The following ARID4B variants were observed in gnomAD, a reference collection of about 807,000 sequenced individuals.
The protein encoded by ARID4B is AT-rich interaction domain 4B.
Under a neutral mutation model 147.5 loss-of-function variants are expected in ARID4B, and 26 were observed. The ratio of observed to expected loss-of-function variants is 0.18; its 90% CI spans 0.13 to 0.24. The LOEUF is 0.24. Ranked by LOEUF, ARID4B falls within the 10% of genes least tolerant of loss-of-function variation. The pLI is 1.00. For synonymous variants in ARID4B, 512 were observed against 507.9 expected (o/e 1.01, Z -0.11); for missense variants, 1,179 against 1,511.5 (o/e 0.78, Z 3.65).
intron 16 of ARID4B, among the ~76,000 whole-genome samples, chr1:235,217,849 C>G (rs1418644522): frequency 6.6e-6 from 1 of 152,076 alleles, no homozygotes; most frequent in African/African-American, 2.4e-5. Context: ...ACAGTAAGCC[C>G]CTCTTATCTG....
At chr1:235,179,547 A>AAC (rs1664140776) in intron 20 of ARID4B, among the ~76,000 whole-genome samples, 1 of 149,870 alleles carries the variant, frequency 6.7e-6, no homozygotes, top group Non-Finnish European at 1.5e-5. Flanking sequence ...AAAAAAAAAA[A>AAC]AAAAAACCCA....
chr1:235,297,551 G>A (rs1237186249), intron 2 of ARID4B, among the ~76,000 whole-genome samples: 3 of 152,164 alleles, frequency 2.0e-5, no homozygotes, highest in Non-Finnish European at 4.4e-5. Context: ...ATCCTCAGAT[G>A]CTGCGAAAAC....
At chr1:235,257,963 C>G (rs939261802) in intron 3 of ARID4B, among the ~76,000 whole-genome samples, 29 of 152,152 alleles carry the variant, frequency 1.9e-4, no homozygotes, top group Admixed American at 1.3e-4. Context: ...GAGCATCAGT[C>G]TCTAGTACCA....
At chr1:235,243,534 T>C (rs12741262) in intron 7 of ARID4B, among the ~76,000 whole-genome samples, 72,625 of 151,890 alleles carry the variant, frequency 0.48, 17,707 homozygotes, top group South Asian at 0.6. Context: ...GCTAATTACA[T>C]GGAAATTTTT....
Position 235,181,859 on chromosome 1 carries a change from T to C in ARID4B, c.3060A>G (p.Leu1020=), listed in dbSNP as rs767914538. The C allele has an allele frequency of 3.8e-5, 62 of 1,614,090 alleles. 1 individual carries two copies. The East Asian group carries it at 1.3e-3, about 34-fold the overall frequency. The change falls in exon 20 of 24, where the codon CTA becomes CTG. Residue 1020 remains leucine, a synonymous_variant. Coordinates refer to ENST00000264183, the MANE Select transcript of ARID4B (RefSeq NM_016374.6). Reference sequence around the variant, plus strand: ...ATTCAGGTGTAGTAGGAGGGGTATTTAGCACTGAATTACTGCCACTACTTG... The same window carrying C: ...ATTCAGGTGTAGTAGGAGGGGTATTCAGCACTGAATTACTGCCACTACTTG... ...EFPSSGSNSV[L]NTPPTTPESP...
chr1:235,299,746 T>C (rs1431067164), intron 2 of ARID4B, among the ~76,000 whole-genome samples: 1 of 152,102 alleles, frequency 6.6e-6, no homozygotes. Flanking sequence ...AGTTAGGGGG[T>C]TGGTCTATGC....
intron 17 of ARID4B, among the ~76,000 whole-genome samples, chr1:235,204,090 A>G (rs1049517283): frequency 2.6e-5 from 4 of 152,162 alleles, no homozygotes; most frequent in African/African-American, 9.6e-5. Context: ...TTGGGAGGCC[A>G]AGGCAGGCGG....
At chr1:235,270,660 C>A (rs1472229952) in intron 2 of ARID4B, among the ~76,000 whole-genome samples, 1 of 152,210 alleles carries the variant, frequency 6.6e-6, no homozygotes, top group African/African-American at 2.4e-5. Flanking sequence ...TTATTAAAAG[C>A]CAACTATACT....
At chr1:235,220,886 T>C (rs1316017803) in intron 14 of ARID4B, among the ~76,000 whole-genome samples, 2 of 105,138 alleles carry the variant, frequency 1.9e-5, no homozygotes, top group African/African-American at 7.4e-5. Context: ...AGCATCCTTT[T>C]TTTGTTTTTT....
intron 2 of ARID4B, among the ~76,000 whole-genome samples, chr1:235,312,318 T>C (rs1474312207): frequency 6.6e-6 from 1 of 151,716 alleles, no homozygotes; most frequent in Non-Finnish European, 1.5e-5. Flanking sequence ...TTACGAACAA[T>C]ATGCATAGCA....
At chr1:235,235,915 G>A (rs552955835) in intron 8 of ARID4B, among the ~76,000 whole-genome samples, 4 of 151,662 alleles carry the variant, frequency 2.6e-5, no homozygotes, top group African/African-American at 9.7e-5. Flanking sequence ...ATAGTTCCTG[G>A]GACTATGTAG....
chr1:235,203,454 GTA>G (rs1666087421), intron 17 of ARID4B, among the ~76,000 whole-genome samples: 1 of 151,908 alleles, frequency 6.6e-6, no homozygotes, highest in Non-Finnish European at 1.5e-5. Context: ...CAGAATAAAG[GTA>G]TTTTAAAAAT....
chr1:235,239,518 G>A (rs1668843912), intron 8 of ARID4B, among the ~76,000 whole-genome samples: 1 of 152,154 alleles, frequency 6.6e-6, no homozygotes, highest in African/African-American at 2.4e-5. Context: ...GTCCGTGAAA[G>A]ATATTAGTAT....
At chr1:235,221,805 A>T (rs1265711633) in intron 13 of ARID4B, 143 bp from the exon 14 acceptor site, 6 of 396,748 alleles carry the variant, frequency 1.5e-5, no homozygotes, top group Non-Finnish European at 2.6e-5. Flanking sequence ...ATAAATTCTA[A>T]ATTTGGTTTA....
intron 6 of ARID4B, among the ~76,000 whole-genome samples, chr1:235,248,058 A>C (rs1363377473): frequency 6.6e-6 from 1 of 152,054 alleles, no homozygotes; most frequent in Non-Finnish European, 1.5e-5. Context: ...AACAGAAACT[A>C]TTTTTATTGA....
Position 235,231,139 on chromosome 1 carries a change from G to A in ARID4B, c.716C>T (p.Pro239Leu), listed in dbSNP as rs540278511. 1 of 1,591,664 alleles carries A rather than the reference G, an allele frequency of 6.3e-7. No individual in the cohort carries two copies. The highest frequency in any genetic ancestry group is 1.4e-5 in the African/African-American group (1 of 73,908). The change falls in exon 10 of 24, where the codon CCA becomes CTA. Residue 239 changes from proline (P) to leucine (L), a missense_variant. This residue lies in a region of ARID4B where 159 missense variants were observed against 190.5 expected (regional missense o/e 0.83). Coordinates refer to ENST00000264183, the MANE Select transcript of ARID4B (RefSeq NM_016374.6). ...TTGCTTTAAAACAGCATCAGGCTTT[G>A]GTGCAGTGTCACTAGTAATTTCATG... is the stretch of plus-strand genomic sequence containing the variant. ...DVHEITSDTA[P>L]KPDAVLKQAF...
intron 2 of ARID4B, among the ~76,000 whole-genome samples, chr1:235,308,296 G>C (rs1273170183): frequency 6.6e-6 from 1 of 151,882 alleles, no homozygotes; most frequent in Non-Finnish European, 1.5e-5. Context: ...TAGAGACAGG[G>C]TTTCGCTGTG....
At chr1:235,320,950 C>T (rs1674770700) in intron 2 of ARID4B, among the ~76,000 whole-genome samples, 1 of 152,196 alleles carries the variant, frequency 6.6e-6, no homozygotes, top group Non-Finnish European at 1.5e-5. Context: ...TATTCTGATT[C>T]CGTATCATTT....
At chr1:235,321,429 A>G (rs1558313757) in intron 2 of ARID4B, among the ~76,000 whole-genome samples, 1 of 152,128 alleles carries the variant, frequency 6.6e-6, no homozygotes, top group Non-Finnish European at 1.5e-5. Context: ...GCATGCTTCA[A>G]ATGACAGTAA....
Sources: allele counts gnomAD v4.1 joint callset (sites outside exome capture counted in the v4.1 genomes callset), GRCh38; gene constraint gnomAD v4.1.1; regional missense constraint gnomAD v4.1.1; transcripts MANE v1.5; gene names NCBI Gene and HGNC (gene_info 2026-07-23, HGNC 2026-07-21).